SV2C: variants seen among roughly 807,000 people sequenced by gnomAD.
SV2C encodes the protein solute carrier family 22 member B3.
Under a neutral mutation model 79.7 loss-of-function variants are expected in SV2C, and 49 were observed. That is an observed-to-expected ratio of 0.61 (90% CI 0.49 to 0.78). The LOEUF (loss-of-function observed/expected upper bound fraction) is 0.78, where lower values mean the gene tolerates loss of function less well. SV2C is among the 30% of genes least tolerant of loss of function. The pLI, the probability that SV2C is intolerant of heterozygous loss-of-function variation, is 0.00. For missense variants in SV2C, 833 were observed against 912.9 expected (o/e 0.91, Z 1.13); for synonymous variants, 334 against 333.2 (o/e 1.00, Z -0.03).
At chr5:75,954,147 A>G in the SV2C span, among the ~76,000 whole-genome samples, 203 of 152,102 alleles carry the variant, frequency 1.3e-3, no homozygotes, top group African/African-American at 4.7e-3. Flanking sequence ...AGGATGGGAT[A>G]CAGTCAAAGG....
At position 76,205,859 on chromosome 5, in the gene SV2C, C is replaced by T. The variant is rs573627223; in HGVS notation, c.762-3877C>T. ...CTGTGAGTTGTAGGGTGTTTAGCAGCGTCTCTGGCCTCTACCCTCTAGATG... is the reference window on the plus strand; with the variant it reads ...CTGTGAGTTGTAGGGTGTTTAGCAGTGTCTCTGGCCTCTACCCTCTAGATG... On this transcript the variant is annotated intron_variant, in intron 3 of 12. Coordinates refer to ENST00000502798, the MANE Select transcript of SV2C (RefSeq NM_014979.4). 6.2e-4 allele frequency among the ~76,000 whole-genome samples: 94 copies of T among 152,230 alleles called. 1 individual carries two copies. Among genetic ancestry groups the T allele is most frequent in the African/African-American group, 2.1e-3 (88 of 41,536 alleles).
chr5:75,878,248 A>G, the SV2C span, among the ~76,000 whole-genome samples: 1 of 152,300 alleles, frequency 6.6e-6, no homozygotes, highest in South Asian at 2.1e-4. Flanking sequence ...TTATGTGCCA[A>G]GCATCATATT....
At chr5:75,964,687 T>C in the SV2C span, among the ~76,000 whole-genome samples, 56,328 of 152,030 alleles carry the variant, frequency 0.37, 11,373 homozygotes, top group African/African-American at 0.49. Flanking sequence ...CAATCAACAC[T>C]CTTCCTCCAC....
At chr5:75,918,606 C>CTA in the SV2C span, among the ~76,000 whole-genome samples, 5 of 152,362 alleles carry the variant, frequency 3.3e-5, no homozygotes, top group Admixed American at 3.3e-4. Context: ...GTGTGAGAAG[C>CTA]TATAGTCTGT....
chr5:76,299,455 C>G (rs1333963315), intron 10 of SV2C, among the ~76,000 whole-genome samples: 1 of 152,206 alleles, frequency 6.6e-6, no homozygotes, highest in Admixed American at 6.5e-5. Flanking sequence ...TTAGTTTTCA[C>G]AGTAGCTGAG....
chr5:76,252,101 G>A (rs562196773), intron 4 of SV2C, among the ~76,000 whole-genome samples: 1 of 152,202 alleles, frequency 6.6e-6, no homozygotes, highest in South Asian at 2.1e-4. Context: ...ACTGTCCAAG[G>A]AGTATATGCA....
chr5:75,923,611 T>C, the SV2C span, among the ~76,000 whole-genome samples: 2 of 151,902 alleles, frequency 1.3e-5, no homozygotes, highest in African/African-American at 2.4e-5. Context: ...ATGACATAAA[T>C]AGACAATTCT....
the SV2C span, among the ~76,000 whole-genome samples, chr5:76,060,352 G>A: frequency 6.6e-6 from 1 of 152,130 alleles, no homozygotes; most frequent in Admixed American, 6.6e-5. Context: ...ACGTTGTTTA[G>A]TGTAGCTACC....
the SV2C span, among the ~76,000 whole-genome samples, chr5:76,067,191 A>G: frequency 6.6e-6 from 1 of 152,094 alleles, no homozygotes; most frequent in African/African-American, 2.4e-5. Context: ...TTACTCATTT[A>G]TAGTTCCTCC....
At chr5:76,338,169 T>A (rs1309671320), downstream of SV2C, among the ~76,000 whole-genome samples, 1 of 152,216 alleles carries the variant, frequency 6.6e-6, no homozygotes, top group Non-Finnish European at 1.5e-5. Context: ...AAAGCCAGGC[T>A]CCTGCCCTGC....
chr5:76,096,969 C>T (rs1414336732), intron 1 of SV2C, among the ~76,000 whole-genome samples: 1 of 152,070 alleles, frequency 6.6e-6, no homozygotes. Flanking sequence ...TTCCTTATAA[C>T]AAGTCTCTTT....
chr5:76,048,945 GAA>G, the SV2C span, among the ~76,000 whole-genome samples: 2,078 of 115,580 alleles, frequency 0.018, 52 homozygotes, highest in South Asian at 0.043. Context: ...AGGAAAGAAA[GAA>G]AGAGAGAGAA....
chr5:75,916,962 T>C, the SV2C span, among the ~76,000 whole-genome samples: 1 of 152,172 alleles, frequency 6.6e-6, no homozygotes, highest in African/African-American at 2.4e-5. Flanking sequence ...CACCCCTCAG[T>C]GGAAGCAACT....
intron 1 of SV2C, among the ~76,000 whole-genome samples, chr5:76,124,191 A>G (rs1025155969): frequency 6.6e-6 from 1 of 152,164 alleles, no homozygotes; most frequent in African/African-American, 2.4e-5. Flanking sequence ...TGTGCAACCA[A>G]CACTACCATT....
the SV2C span, among the ~76,000 whole-genome samples, chr5:75,909,024 TGA>T: frequency 6.6e-6 from 1 of 152,238 alleles, no homozygotes; most frequent in East Asian, 1.9e-4. Flanking sequence ...ATTTCTGTGC[TGA>T]GAGGTAAGAA....
intron 12 of SV2C, among the ~76,000 whole-genome samples, chr5:76,323,592 T>A (rs1748896906): frequency 6.6e-6 from 1 of 152,208 alleles, no homozygotes; most frequent in Non-Finnish European, 1.5e-5. Flanking sequence ...CACATGAATG[T>A]TTATTGCTGC....
chr5:75,913,971 A>C, the SV2C span, among the ~76,000 whole-genome samples: 30 of 152,296 alleles, frequency 2.0e-4, no homozygotes, highest in East Asian at 5.0e-3. Flanking sequence ...TTAAAAAAAA[A>C]ACACACCTTA....
At chr5:75,868,989 G>A in the SV2C span, among the ~76,000 whole-genome samples, 1 of 152,168 alleles carries the variant, frequency 6.6e-6, no homozygotes, top group Non-Finnish European at 1.5e-5. Flanking sequence ...TCCCAAATGT[G>A]GTGTGTGGTG....
At chr5:76,312,104 C>T (rs909559610) in intron 12 of SV2C, among the ~76,000 whole-genome samples, 25 of 152,288 alleles carry the variant, frequency 1.6e-4, no homozygotes, top group African/African-American at 4.6e-4. Flanking sequence ...ATGTAGCTCC[C>T]GCGGTGTAGG....
Sources: gnomAD v4.1 joint callset for allele counts (sites outside exome capture counted in the v4.1 genomes callset) on GRCh38, gnomAD v4.1.1 for gene constraint, MANE v1.5 for transcripts, NCBI Gene and HGNC (gene_info 2026-07-23, HGNC 2026-07-21) for gene names.